Variants in PRELID2 observed in about 807,000 individuals in gnomAD.
PRELID2 encodes the protein PRELI domain-containing protein 2.
A neutral mutation model predicts 28.4 loss-of-function variants in PRELID2; 25 were observed. The observed-to-expected ratio is 0.88, with a 90% CI of 0.64 to 1.23. PRELID2 has a LOEUF of 1.23. Among genes scored for constraint, PRELID2 ranks in the 50% most tolerant of loss-of-function variants. The pLI, the probability that PRELID2 is intolerant of heterozygous loss-of-function variation, is 0.00. For synonymous variants in PRELID2, 76 were observed against 71.6 expected, an observed-to-expected ratio of 1.06 and a Z score of -0.31; for missense variants, 201 against 214.4, an observed-to-expected ratio of 0.94 and a Z score of 0.39.
intron 1 of PRELID2, among the ~76,000 whole-genome samples, chr5:145,569,475 C>T (rs891163132): frequency 6.6e-6 from 1 of 152,118 alleles, no homozygotes; most frequent in East Asian, 1.9e-4. Flanking sequence ...AAGATAGAGG[C>T]TTGGCTTTTG....
intron 1 of PRELID2, among the ~76,000 whole-genome samples, chr5:145,500,293 C>A (rs147523485): frequency 1.3e-5 from 2 of 152,098 alleles, no homozygotes; most frequent in East Asian, 3.9e-4. Context: ...GTAGCACCTC[C>A]CCCTTCACTT....
chr5:145,375,866 T>C, the PRELID2 span, among the ~76,000 whole-genome samples: 1 of 152,236 alleles, frequency 6.6e-6, no homozygotes, highest in African/African-American at 2.4e-5. Flanking sequence ...TAGAGATGCA[T>C]GCTGCCCTTC....
At chr5:145,428,436 A>AG in the PRELID2 span, among the ~76,000 whole-genome samples, 1 of 152,166 alleles carries the variant, frequency 6.6e-6, no homozygotes, top group African/African-American at 2.4e-5. Context: ...AGAAAAAAAA[A>AG]CTGTTCCTGC....
the PRELID2 span, among the ~76,000 whole-genome samples, chr5:145,306,706 C>G: frequency 6.6e-6 from 1 of 151,922 alleles, no homozygotes; most frequent in Non-Finnish European, 1.5e-5. Context: ...AATAATATAA[C>G]TAGTGATTTT....
the PRELID2 span, among the ~76,000 whole-genome samples, chr5:145,432,600 T>C: frequency 1.2e-4 from 19 of 152,150 alleles, no homozygotes; most frequent in Middle Eastern, 3.2e-3. Flanking sequence ...TGTTTGTGTG[T>C]ATCTCTCTTT....
chr5:145,241,378 T>C, the PRELID2 span, among the ~76,000 whole-genome samples: 1 of 151,988 alleles, frequency 6.6e-6, no homozygotes, highest in African/African-American at 2.4e-5. Flanking sequence ...GATGTATAAA[T>C]GACTATGGAA....
intron 1 of PRELID2, among the ~76,000 whole-genome samples, chr5:145,832,859 C>A (rs104186): frequency 0.68 from 103,027 of 151,960 alleles, 36,031 homozygotes; most frequent in Non-Finnish European, 0.78. Context: ...ATCATTTCAC[C>A]AGTGCCACTT....
At chr5:145,229,717 C>G in the PRELID2 span, 5 of 756,180 alleles carry the variant, frequency 6.6e-6, no homozygotes, top group South Asian at 6.7e-5. Flanking sequence ...AAGGTCTTCA[C>G]CACAGACCGG....
chr5:145,354,815 G>C, the PRELID2 span, among the ~76,000 whole-genome samples: 5 of 152,224 alleles, frequency 3.3e-5, no homozygotes, highest in African/African-American at 1.2e-4. Flanking sequence ...ATGCCACTTA[G>C]GGCAGGGGGA....
At chr5:145,594,488 A>T (rs1458389224) in intron 1 of PRELID2, among the ~76,000 whole-genome samples, 1 of 152,196 alleles carries the variant, frequency 6.6e-6, no homozygotes, top group Non-Finnish European at 1.5e-5. Flanking sequence ...TTGAAGAATT[A>T]CGCTCACTTC....
chr5:145,832,418 C>G (rs933402113), intron 1 of PRELID2, among the ~76,000 whole-genome samples: 1 of 152,140 alleles, frequency 6.6e-6, no homozygotes, highest in Non-Finnish European at 1.5e-5. Context: ...CTCCTGACCT[C>G]AAGTGATCCG....
the PRELID2 span, among the ~76,000 whole-genome samples, chr5:145,409,633 G>T: frequency 6.6e-6 from 1 of 151,766 alleles, no homozygotes; most frequent in African/African-American, 2.4e-5. Flanking sequence ...CAAAGAGAGG[G>T]CCAGGTGTGG....
intron 1 of PRELID2, among the ~76,000 whole-genome samples, chr5:145,832,454 G>A (rs1249970780): frequency 6.6e-6 from 1 of 152,170 alleles, no homozygotes; most frequent in Non-Finnish European, 1.5e-5. Flanking sequence ...CAAAGTGCTG[G>A]GATTACAGGA....
At chr5:145,602,088 G>C (rs1289859988) in intron 1 of PRELID2, among the ~76,000 whole-genome samples, 1 of 152,182 alleles carries the variant, frequency 6.6e-6, no homozygotes, top group Non-Finnish European at 1.5e-5. Context: ...AAGAGAGTGG[G>C]CTCTGGGTAC....
At chr5:145,394,976 T>A in the PRELID2 span, among the ~76,000 whole-genome samples, 1 of 152,108 alleles carries the variant, frequency 6.6e-6, no homozygotes, top group Non-Finnish European at 1.5e-5. Context: ...GGTTTTCTCA[T>A]CTTAATTTTT....
At chr5:145,336,146 T>G in the PRELID2 span, among the ~76,000 whole-genome samples, 2 of 152,240 alleles carry the variant, frequency 1.3e-5, no homozygotes, top group Non-Finnish European at 1.5e-5. Context: ...TAAATTTGTT[T>G]GAGTTCATTG....
the PRELID2 span, among the ~76,000 whole-genome samples, chr5:145,311,607 T>C: frequency 6.6e-6 from 1 of 152,148 alleles, no homozygotes; most frequent in African/African-American, 2.4e-5. Flanking sequence ...AAACACATAG[T>C]ATATTTTCTT....
intron 1 of PRELID2, among the ~76,000 whole-genome samples, chr5:145,528,708 CACACACACACACACACACAG>C (rs1454685772): frequency 2.4e-5 from 3 of 125,836 alleles, no homozygotes; most frequent in East Asian, 6.9e-4. Context: ...CACACACACA[CACACACACACACACACACAG>C]AGAGAGAGAG....
the PRELID2 span, among the ~76,000 whole-genome samples, chr5:145,422,534 T>C: frequency 2.0e-5 from 3 of 152,192 alleles, no homozygotes; most frequent in Admixed American, 1.3e-4. Context: ...AAGTCTGTTT[T>C]ATCAGAGACT....
Sources: gnomAD v4.1 joint callset for allele counts (sites outside exome capture counted in the v4.1 genomes callset) on GRCh38, gnomAD v4.1.1 for gene constraint, MANE v1.5 for transcripts, NCBI Gene and HGNC (gene_info 2026-07-23, HGNC 2026-07-21) for gene names.